The following EBAG9 variants were observed in gnomAD, a reference collection of about 807,000 sequenced individuals.
The protein encoded by EBAG9 is receptor-binding cancer antigen expressed on SiSo cells.
In EBAG9, 16 loss-of-function variants were observed where a neutral mutation model predicts 30.9. The observed-to-expected ratio is 0.52, with a 90% CI of 0.35 to 0.79. EBAG9 has a LOEUF of 0.79. Ranked by LOEUF, EBAG9 falls within the 30% of genes least tolerant of loss-of-function variation. EBAG9 has a pLI of 0.01. For missense variants in EBAG9, 197 were observed against 242.1 expected (o/e 0.81, Z 1.24); for synonymous variants, 93 against 82.8 (o/e 1.12, Z -0.67).
chr8:109,554,482 G>A (rs566593239), intron 3 of EBAG9, among the ~76,000 whole-genome samples: 3 of 151,974 alleles, frequency 2.0e-5, no homozygotes, highest in South Asian at 4.1e-4. Flanking sequence ...ATTTGCTTTC[G>A]TTTTACTTTG....
chr8:109,540,059 C>T (rs939250626), upstream of EBAG9: 1 of 153,162 alleles, frequency 6.5e-6, no homozygotes, highest in Non-Finnish European at 1.5e-5. Context: ...CGCCCTCCCA[C>T]CTTCCTTTCG....
Position 109,564,740 on chromosome 8 carries a change from A to T in EBAG9, c.*181A>T. ...TTGAACTCTTAGTGATTGAGACTCAAAAAAACAAAAAAGACTTGAGACAAT... is the reference window on the plus strand; with the variant it reads ...TTGAACTCTTAGTGATTGAGACTCATAAAAACAAAAAAGACTTGAGACAAT... On this transcript the variant is annotated 3_prime_UTR_variant, in exon 7 of 7. Transcript: ENST00000337573. The T allele has an allele frequency of 1.4e-6, 1 of 692,034 alleles. No individual in the cohort carries two copies. The highest frequency in any genetic ancestry group is 2.2e-6 in the Non-Finnish European group (1 of 448,384). 42.9% of individuals were successfully genotyped at this position (692,034 alleles called of 1,614,324 possible).
chr8:109,550,593 A>C (rs951901794), intron 1 of EBAG9: 9 of 365,590 alleles, frequency 2.5e-5, no homozygotes, highest in Admixed American at 1.8e-4. Context: ...CTCAGAATGA[A>C]GGGTTTTATC....
At chr8:109,564,149 AT>A (rs1586697199) in intron 6 of EBAG9, among the ~76,000 whole-genome samples, 1 of 152,108 alleles carries the variant, frequency 6.6e-6, no homozygotes, top group East Asian at 1.9e-4. Context: ...GTGAGTTCTT[AT>A]CCCTGTACTT....
At chr8:109,543,714 T>C (rs1221004769) in intron 1 of EBAG9, among the ~76,000 whole-genome samples, 2 of 152,270 alleles carry the variant, frequency 1.3e-5, no homozygotes, top group East Asian at 3.9e-4. Flanking sequence ...TTTAGGAGTC[T>C]TGAATCCCCA....
At chr8:109,548,464 T>A (rs953604847) in intron 1 of EBAG9, among the ~76,000 whole-genome samples, 1 of 152,178 alleles carries the variant, frequency 6.6e-6, no homozygotes, top group African/African-American at 2.4e-5. Context: ...TTGGCTGTTA[T>A]ATACGTTCTT....
intron 6 of EBAG9, 87 bp from the exon 7 acceptor site, chr8:109,564,352 A>G: frequency 6.6e-7 from 1 of 1,505,418 alleles, no homozygotes; most frequent in South Asian, 1.3e-5. Flanking sequence ...TGGTGATAAT[A>G]AAAAGGCACT....
upstream of EBAG9, chr8:109,539,893 CG>C (rs1226872761): frequency 6.6e-6 from 1 of 151,460 alleles, no homozygotes; most frequent in Non-Finnish European, 1.5e-5. Flanking sequence ...GAGCCTCCGC[CG>C]GGCGGGCGGG....
intron 6 of EBAG9, 90 bp from the exon 7 acceptor site, chr8:109,564,349 A>G: frequency 6.7e-7 from 1 of 1,489,292 alleles, no homozygotes; most frequent in Non-Finnish European, 9.1e-7. Context: ...ATTTGGTGAT[A>G]ATAAAAAGGC....
chr8:109,554,600 A>T (rs907851438), intron 3 of EBAG9, 129 bp from the exon 4 acceptor site: 4 of 781,608 alleles, frequency 5.1e-6, no homozygotes, highest in Admixed American at 2.9e-5. Context: ...TATGAAATGT[A>T]TGTTTTCCCG....
intron 1 of EBAG9, among the ~76,000 whole-genome samples, chr8:109,545,554 G>A (rs911757340): frequency 6.6e-6 from 1 of 151,666 alleles, no homozygotes; most frequent in Non-Finnish European, 1.5e-5. Flanking sequence ...TAGTAGACGC[G>A]GGATTTCACC....
chr8:109,549,697 T>C (rs1821454984), intron 1 of EBAG9, among the ~76,000 whole-genome samples: 2 of 152,114 alleles, frequency 1.3e-5, no homozygotes, highest in African/African-American at 2.4e-5. Context: ...ATCTGCAGAC[T>C]CTAACAATGT....
intron 2 of EBAG9, among the ~76,000 whole-genome samples, chr8:109,551,254 C>T (rs934321004): frequency 1.3e-5 from 2 of 151,002 alleles, no homozygotes; most frequent in African/African-American, 2.4e-5. Flanking sequence ...AGGTGAAATT[C>T]GGAATAGGTA....
At chr8:109,557,455 A>G (rs1206138043) in intron 5 of EBAG9, among the ~76,000 whole-genome samples, 1 of 152,222 alleles carries the variant, frequency 6.6e-6, no homozygotes, top group African/African-American at 2.4e-5. Context: ...TAAAGGAAAA[A>G]TTTATGAAAC....
intron 2 of EBAG9, among the ~76,000 whole-genome samples, chr8:109,553,260 T>C (rs73317035): frequency 0.015 from 2,269 of 152,314 alleles, 56 homozygotes; most frequent in African/African-American, 0.052. Flanking sequence ...CTGTTGAGGC[T>C]GAAAAGTAGG....
intron 2 of EBAG9, among the ~76,000 whole-genome samples, chr8:109,552,482 A>C (rs1300940623): frequency 6.6e-6 from 1 of 152,234 alleles, no homozygotes; most frequent in Non-Finnish European, 1.5e-5. Context: ...TCACCAGGTA[A>C]AGCAACATTA....
intron 1 of EBAG9, 43 bp from the exon 2 acceptor site, chr8:109,550,767 G>A: frequency 2.6e-6 from 3 of 1,168,988 alleles, no homozygotes; most frequent in Non-Finnish European, 3.8e-6. Flanking sequence ...TATGACTTTT[G>A]AAATCAATTT....
intron 6 of EBAG9, chr8:109,563,560 A>G (rs1821750654): frequency 1.3e-6 from 2 of 1,557,912 alleles, no homozygotes; most frequent in Non-Finnish European, 8.6e-7. Flanking sequence ...AAGTATGATT[A>G]GTAAATACCT....
chr8:109,562,308 C>A (rs1423281339), intron 6 of EBAG9, among the ~76,000 whole-genome samples: 1 of 151,964 alleles, frequency 6.6e-6, no homozygotes, highest in Non-Finnish European at 1.5e-5. Flanking sequence ...AGCCTCTTAA[C>A]CCCTAAGCAA....
Sources: allele counts gnomAD v4.1 joint callset (sites outside exome capture counted in the v4.1 genomes callset), GRCh38; gene constraint gnomAD v4.1.1; transcripts MANE v1.5; gene names NCBI Gene and HGNC (gene_info 2026-07-23, HGNC 2026-07-21).